NCK2: variants seen among roughly 807,000 people sequenced by gnomAD.
NCK2 encodes the protein cytoplasmic protein NCK2.
A neutral mutation model predicts 33.9 loss-of-function variants in NCK2; 16 were observed. That is an observed-to-expected ratio of 0.47 (90% CI 0.32 to 0.72). NCK2 has a LOEUF of 0.72. Among genes scored for constraint, NCK2 ranks in the 30% least tolerant of loss-of-function variants. The pLI is 0.03. For synonymous variants in NCK2, 273 were observed against 239.9 expected, an observed-to-expected ratio of 1.14 and a Z score of -1.27; for missense variants, 418 against 537.3, an observed-to-expected ratio of 0.78 and a Z score of 2.19.
At chr2:105,842,193 C>T (rs991438410) in intron 2 of NCK2, among the ~76,000 whole-genome samples, 2 of 151,852 alleles carry the variant, frequency 1.3e-5, no homozygotes, top group Non-Finnish European at 2.9e-5. Flanking sequence ...TCAAGTGATT[C>T]TCCTGCCTCA....
chr2:105,794,214 A>C (rs1690996869), intron 1 of NCK2, among the ~76,000 whole-genome samples: 1 of 151,692 alleles, frequency 6.6e-6, no homozygotes, highest in Admixed American at 6.6e-5. Context: ...ACGCTGGCTA[A>C]TTTTTGTGTT....
At chr2:105,819,853 C>T (rs1018588016) in intron 2 of NCK2, among the ~76,000 whole-genome samples, 3 of 152,248 alleles carry the variant, frequency 2.0e-5, no homozygotes, top group South Asian at 4.1e-4. Flanking sequence ...ATATAATAAA[C>T]ATCTATTGTG....
At chr2:105,884,435 C>T (rs1410586526) in intron 4 of NCK2, among the ~76,000 whole-genome samples, 1 of 152,198 alleles carries the variant, frequency 6.6e-6, no homozygotes, top group Non-Finnish European at 1.5e-5. Context: ...CTCAGTCAGG[C>T]ATCTTTATTT....
intron 4 of NCK2, 114 bp downstream of exon 4, chr2:105,882,163 CG>C: frequency 1.7e-6 from 2 of 1,197,694 alleles, no homozygotes; most frequent in Non-Finnish European, 2.1e-6. Flanking sequence ...GAGCGGGAGA[CG>C]CAGATGAATG....
At chr2:105,849,181 G>C (rs1041491984) in intron 2 of NCK2, among the ~76,000 whole-genome samples, 1 of 152,184 alleles carries the variant, frequency 6.6e-6, no homozygotes, top group East Asian at 1.9e-4. Context: ...CCAGAAGCTT[G>C]AGACCAGCCT....
At chr2:105,781,265 G>A (rs1044421209) in intron 1 of NCK2, among the ~76,000 whole-genome samples, 2 of 152,144 alleles carry the variant, frequency 1.3e-5, no homozygotes, top group Non-Finnish European at 2.9e-5. Flanking sequence ...GATTACTCTA[G>A]GTATTCCCAA....
chr2:105,893,444 T>A lies in NCK2; in HGVS notation c.*268T>A. 2.4e-6 allele frequency: 1 copy of A among 409,486 alleles called. No homozygotes were observed. 25.4% of individuals were successfully genotyped at this position (409,486 alleles called of 1,614,324 possible). ...TTCCATCGGAAGTGGCGCTCGTGCA[T>A]TCAACTCGTTCCCGCTCATGGAACC... On this transcript the variant is annotated 3_prime_UTR_variant, in exon 5 of 5. Coordinates refer to ENST00000233154, the MANE Select transcript of NCK2 (RefSeq NM_003581.5).
chr2:105,817,901 C>T (rs1485975792), intron 2 of NCK2, among the ~76,000 whole-genome samples: 2 of 152,044 alleles, frequency 1.3e-5, no homozygotes, highest in Non-Finnish European at 2.9e-5. Context: ...ACTAGAAATA[C>T]CATTTGACCC....
intron 2 of NCK2, among the ~76,000 whole-genome samples, chr2:105,853,673 A>G (rs1422853402): frequency 6.6e-6 from 1 of 152,218 alleles, no homozygotes; most frequent in East Asian, 1.9e-4. Flanking sequence ...GGCAGATTTT[A>G]TTCAGAGGGA....
rs529656888 is a variant in NCK2 at position 105,810,809 on chromosome 2, TG to T, written c.-200-5620del. Among the ~76,000 whole-genome samples, 489 of 152,326 alleles carry T rather than the reference TG, an allele frequency of 3.2e-3. 1 individual carries two copies. Among genetic ancestry groups the T allele is most frequent in the Admixed American group, 6.4e-3 (98 of 15,304 alleles). On this transcript the variant is annotated intron_variant, in intron 1 of 4. Transcript: ENST00000233154. ...AACCTTGTCACAAATTTACAAAATT[TG>T]TCACTAATCGAATTCCTATATGTTA...
At chr2:105,810,952 G>A (rs1031038022) in intron 1 of NCK2, among the ~76,000 whole-genome samples, 2 of 152,116 alleles carry the variant, frequency 1.3e-5, no homozygotes, top group African/African-American at 2.4e-5. Flanking sequence ...CAGGTGGGCG[G>A]ATCATGAGGT....
chr2:105,848,725 A>G (rs1287236394), intron 2 of NCK2: 1 of 152,206 alleles, frequency 6.6e-6, no homozygotes, highest in African/African-American at 2.4e-5. Flanking sequence ...TATTGAAACA[A>G]GCCCCTTCCC....
chr2:105,833,436 T>C (rs1676274191), intron 2 of NCK2, among the ~76,000 whole-genome samples: 1 of 152,298 alleles, frequency 6.6e-6, no homozygotes, highest in East Asian at 1.9e-4. Context: ...GTTATGTGTG[T>C]CTAAGAATTT....
chr2:105,779,912 A>C (rs938890203), intron 1 of NCK2, among the ~76,000 whole-genome samples: 1 of 152,096 alleles, frequency 6.6e-6, no homozygotes, highest in Non-Finnish European at 1.5e-5. Flanking sequence ...GACCGCCTTC[A>C]CCCTCTCATT....
intron 1 of NCK2, among the ~76,000 whole-genome samples, chr2:105,791,344 G>A (rs540921171): frequency 6.6e-5 from 10 of 152,244 alleles, no homozygotes; most frequent in African/African-American, 2.2e-4. Flanking sequence ...GTGCCTTCAC[G>A]TTTTTCTCTT....
At chr2:105,788,456 A>G (rs374190910) in intron 1 of NCK2, among the ~76,000 whole-genome samples, 3 of 152,284 alleles carry the variant, frequency 2.0e-5, no homozygotes, top group East Asian at 3.9e-4. Flanking sequence ...ACTCTATCCA[A>G]ATGAACTTTT....
chr2:105,892,390 T>TATTC (rs888864363), intron 4 of NCK2, among the ~76,000 whole-genome samples: 130 of 152,352 alleles, frequency 8.5e-4, no homozygotes, highest in African/African-American at 3.1e-3. Context: ...AAGTGCTGTA[T>TATTC]ATTCCATAAT....
At chr2:105,789,526 T>G (rs1690802080) in intron 1 of NCK2, among the ~76,000 whole-genome samples, 1 of 152,222 alleles carries the variant, frequency 6.6e-6, no homozygotes, top group South Asian at 2.1e-4. Flanking sequence ...ATTAGCCTTC[T>G]TTTGTTACAC....
intron 1 of NCK2, among the ~76,000 whole-genome samples, chr2:105,770,543 G>T (rs1455530587): frequency 1.3e-5 from 2 of 152,200 alleles, no homozygotes; most frequent in South Asian, 2.1e-4. Flanking sequence ...TTTCTTAGAA[G>T]TAGAAGGCTA....
Sources: gnomAD v4.1 joint callset for allele counts (sites outside exome capture counted in the v4.1 genomes callset) on GRCh38, gnomAD v4.1.1 for gene constraint, MANE v1.5 for transcripts, NCBI Gene and HGNC (gene_info 2026-07-23, HGNC 2026-07-21) for gene names.